CALN1: variants seen among roughly 807,000 people sequenced by gnomAD.
CALN1 encodes the protein calcium-binding protein 8.
In CALN1, 17 loss-of-function variants were observed where a neutral mutation model predicts 30.6. The observed-to-expected ratio is 0.56, with a 90% confidence interval of 0.38 to 0.83. The LOEUF (loss-of-function observed/expected upper bound fraction) is 0.83. Ranked by LOEUF, CALN1 falls within the 40% of genes least tolerant of loss-of-function variation. The probability of loss-of-function intolerance (pLI) is 0.00; values close to 1 mark genes in which losing one functional copy is unlikely to be tolerated. For missense variants in CALN1, 291 were observed against 354.9 expected (o/e 0.82, Z 1.45); for synonymous variants, 156 against 131.4 (o/e 1.19, Z -1.28).
At chr7:72,185,629 C>G (rs1403889373) in intron 3 of CALN1, among the ~76,000 whole-genome samples, 1 of 152,150 alleles carries the variant, frequency 6.6e-6, no homozygotes, top group Non-Finnish European at 1.5e-5. Context: ...TGTCCCCACC[C>G]AAATCTCATC....
chr7:72,187,963 C>CA (rs1790319421), intron 3 of CALN1, among the ~76,000 whole-genome samples: 1 of 150,976 alleles, frequency 6.6e-6, no homozygotes. Context: ...TCAAAAAAAT[C>CA]AAAAAACAAT....
intron 5 of CALN1, among the ~76,000 whole-genome samples, chr7:72,008,260 A>G (rs539130770): frequency 4.0e-4 from 61 of 152,292 alleles, no homozygotes; most frequent in Middle Eastern, 3.5e-3. Flanking sequence ...ACAAGTATTT[A>G]AACAAGGTAT....
Position 71,842,749 on chromosome 7 carries a change from A to G in CALN1, c.502-32257T>C, listed in dbSNP as rs913725962. On this transcript the variant is annotated intron_variant, in intron 5 of 6. Transcript: ENST00000395275. Reference sequence around the variant, plus strand: ...TCAAGCTTGCCTGGCTTTGAACCCCATAACTATTAGTACTTCCATAAGTAA... The same window carrying G: ...TCAAGCTTGCCTGGCTTTGAACCCCGTAACTATTAGTACTTCCATAAGTAA... Among the ~76,000 whole-genome samples, 38 of 152,308 alleles carry G rather than the reference A, an allele frequency of 2.5e-4. No individual in the cohort carries two copies. The Middle Eastern group carries it at 0.01, about 41-fold the overall frequency.
intron 5 of CALN1, among the ~76,000 whole-genome samples, chr7:71,948,622 T>C (rs942332771): frequency 1.3e-5 from 2 of 151,640 alleles, no homozygotes; most frequent in Non-Finnish European, 2.9e-5. Flanking sequence ...TCCTAGCTAC[T>C]TGGGAGGCTG....
rs563413762 is a variant in CALN1, at chr7:71,870,591, C to G, written c.502-60099G>C. Among the ~76,000 whole-genome samples the G allele has an allele frequency of 3.9e-5, 6 of 152,008 alleles. 1 individual carries two copies. Among genetic ancestry groups the G allele is most frequent in the Non-Finnish European group, 8.8e-5 (6 of 67,996 alleles). On this transcript the variant is annotated intron_variant, in intron 5 of 6. Coordinates refer to ENST00000395275, the MANE Select transcript of CALN1 (RefSeq NM_031468.4). ...GAATAGTAGAATTGTTTTTTTCCCT[C>G]CTTCCAAATTTTCAATATTTTCCAA... is the stretch of plus-strand genomic sequence containing the variant.
chr7:72,354,168 C>G (rs1803093782), intron 2 of CALN1, among the ~76,000 whole-genome samples: 1 of 152,154 alleles, frequency 6.6e-6, no homozygotes, highest in Non-Finnish European at 1.5e-5. Flanking sequence ...GCCTGGGTGA[C>G]AGAGCAAGAC....
chr7:72,275,722 G>A (rs564376976), intron 3 of CALN1, among the ~76,000 whole-genome samples: 3 of 152,260 alleles, frequency 2.0e-5, no homozygotes, highest in South Asian at 2.1e-4. Context: ...TGGGCTTGGA[G>A]GGCTCTTAGA....
intron 5 of CALN1, among the ~76,000 whole-genome samples, chr7:71,865,430 A>G (rs1791531608): frequency 1.3e-5 from 2 of 152,214 alleles, no homozygotes; most frequent in East Asian, 3.8e-4. Flanking sequence ...TGATGCCGCC[A>G]TGCTTCCTGT....
chr7:72,325,603 AAAAT>A (rs1293269676), intron 2 of CALN1, among the ~76,000 whole-genome samples: 2 of 152,184 alleles, frequency 1.3e-5, no homozygotes, highest in South Asian at 2.1e-4. Context: ...CTCTGTCTCG[AAAAT>A]AAATAAATAA....
chr7:72,107,745 T>C (rs1267484638), intron 3 of CALN1, among the ~76,000 whole-genome samples: 1 of 152,202 alleles, frequency 6.6e-6, no homozygotes, highest in Admixed American at 6.5e-5. Flanking sequence ...GCCACGCTAG[T>C]TGATAGAAAG....
chr7:71,924,647 T>C (rs1237961805), intron 5 of CALN1, among the ~76,000 whole-genome samples: 1 of 152,150 alleles, frequency 6.6e-6, no homozygotes, highest in African/African-American at 2.4e-5. Context: ...ATTTTTTTTT[T>C]ACTCTATCTG....
chr7:72,484,056 A>G, the CALN1 span, among the ~76,000 whole-genome samples: 3 of 152,038 alleles, frequency 2.0e-5, no homozygotes, highest in Admixed American at 6.6e-5. Context: ...AACATATGTA[A>G]TACAATTACA....
At chr7:72,473,860 C>T in the CALN1 span, among the ~76,000 whole-genome samples, 3 of 147,098 alleles carry the variant, frequency 2.0e-5, no homozygotes, top group Middle Eastern at 3.3e-3. Flanking sequence ...ACCCAGAAGG[C>T]GGAGGTTGCA....
At chr7:72,028,851 T>C (rs376849003) in intron 4 of CALN1, among the ~76,000 whole-genome samples, 1 of 151,846 alleles carries the variant, frequency 6.6e-6, no homozygotes, top group Non-Finnish European at 1.5e-5. Context: ...ATTAGCTGGG[T>C]GTGGTGGTAC....
chr7:71,991,455 T>C (rs541394848), intron 5 of CALN1, among the ~76,000 whole-genome samples: 1 of 148,730 alleles, frequency 6.7e-6, no homozygotes, highest in African/African-American at 2.5e-5. Context: ...TGAGATTCTG[T>C]CTCAAAAAAA....
intron 3 of CALN1, among the ~76,000 whole-genome samples, chr7:72,240,950 C>G (rs1311566905): frequency 6.6e-6 from 1 of 152,164 alleles, no homozygotes; most frequent in Non-Finnish European, 1.5e-5. Context: ...CTTCTGGAAC[C>G]TTCCTTGAGT....
At chr7:71,969,148 A>C (rs112867118) in intron 5 of CALN1, among the ~76,000 whole-genome samples, 1 of 152,246 alleles carries the variant, frequency 6.6e-6, no homozygotes, top group Non-Finnish European at 1.5e-5. Context: ...GTGGAGTCAA[A>C]GAAGAAACGT....
chr7:72,331,273 C>T (rs963975745), intron 2 of CALN1, among the ~76,000 whole-genome samples: 4 of 152,078 alleles, frequency 2.6e-5, no homozygotes, highest in African/African-American at 9.7e-5. Flanking sequence ...TCGCTTGAAC[C>T]CAGGAGGCAG....
At position 71,809,932 on chromosome 7, in the gene CALN1, C is replaced by T. The variant is rs377238310; in HGVS notation, c.658+404G>A. On this transcript the variant is annotated intron_variant, in intron 6 of 6. Coordinates refer to ENST00000395275, the MANE Select transcript of CALN1 (RefSeq NM_031468.4). Reference sequence around the variant, plus strand: ...CCTGATGTTTATAGATGAGGAAACACAGAGAAGGTCCATCCTTTGCCCAAG... The same window carrying T: ...CCTGATGTTTATAGATGAGGAAACATAGAGAAGGTCCATCCTTTGCCCAAG... Among the ~76,000 whole-genome samples, 101 of 151,760 alleles carry T rather than the reference C, an allele frequency of 6.7e-4. 1 individual carries two copies. The highest frequency in any genetic ancestry group is 3.1e-3 in the Admixed American group (47 of 15,224).
Sources: allele counts gnomAD v4.1 joint callset (sites outside exome capture counted in the v4.1 genomes callset), GRCh38; gene constraint gnomAD v4.1.1; transcripts MANE v1.5; gene names NCBI Gene and HGNC (gene_info 2026-07-23, HGNC 2026-07-21).